The following LRRIQ1 variants were observed in gnomAD, a reference collection of about 807,000 sequenced individuals.
LRRIQ1 encodes the protein leucine rich repeats and IQ motif containing 1.
Under a neutral mutation model 211.9 loss-of-function variants are expected in LRRIQ1, and 210 were observed. That is an observed-to-expected ratio of 0.99 (90% CI 0.89 to 1.11). LRRIQ1 has a LOEUF of 1.11. Among genes scored for constraint, LRRIQ1 ranks in the 50% most tolerant of loss-of-function variants. The probability of loss-of-function intolerance (pLI) is 0.00; values close to 1 mark genes in which losing one functional copy is unlikely to be tolerated. For missense variants in LRRIQ1, 2,136 were observed against 1,939.5 expected, an observed-to-expected ratio of 1.10 and a Z score of -1.90; for synonymous variants, 699 against 650.1, an observed-to-expected ratio of 1.08 and a Z score of -1.14.
In LRRIQ1 at chr12:85,189,008, T is replaced by C. The variant is rs78973298; in HGVS notation, c.4822+28294T>C. Among the ~76,000 whole-genome samples the C allele has an allele frequency of 0.018, 2,730 of 152,172 alleles. 142 individuals are homozygous for C. In the East Asian group the frequency reaches 0.2, roughly 11 times the overall value. On this transcript the variant is annotated intron_variant, in intron 24 of 26. Transcript: ENST00000393217. ...CATTTTGAACTGACGCCTTTGGTAA[T>C]AGAGACTGCACAAGGTGGAGAATCT...
chr12:85,121,953 T>A, intron 16 of LRRIQ1, 77 bp downstream of exon 16: 1 of 1,220,800 alleles, frequency 8.2e-7, no homozygotes, highest in Non-Finnish European at 1.1e-6. Flanking sequence ...AGTATTCTGA[T>A]TAACACAATT....
chr12:85,102,610 C>T (rs999357197), intron 13 of LRRIQ1, among the ~76,000 whole-genome samples: 2 of 151,510 alleles, frequency 1.3e-5, no homozygotes, highest in African/African-American at 4.8e-5. Context: ...GAGTGAAGGT[C>T]AATACAAGGG....
intron 13 of LRRIQ1, among the ~76,000 whole-genome samples, chr12:85,102,957 AAAATATAT>A (rs1315026575): frequency 1.8e-4 from 21 of 117,378 alleles, no homozygotes; most frequent in African/African-American, 6.2e-4. Context: ...AAAAAAAAAA[AAAATATAT>A]ATATATATAT....
chr12:85,119,310 T>G (rs2136408268), intron 15 of LRRIQ1, among the ~76,000 whole-genome samples: 1 of 152,272 alleles, frequency 6.6e-6, no homozygotes, highest in Admixed American at 6.5e-5. Context: ...TGCACTTAAC[T>G]TTTCTCCACC....
At chr12:85,165,242 A>G (rs904893202) in intron 24 of LRRIQ1, among the ~76,000 whole-genome samples, 1 of 152,090 alleles carries the variant, frequency 6.6e-6, no homozygotes, top group Non-Finnish European at 1.5e-5. Flanking sequence ...TCACCCAGAT[A>G]AAGAGCATAG....
At chr12:85,180,323 A>G (rs557350330) in intron 24 of LRRIQ1, among the ~76,000 whole-genome samples, 18 of 152,110 alleles carry the variant, frequency 1.2e-4, no homozygotes, top group African/African-American at 3.6e-4. Flanking sequence ...AAGGGGTACT[A>G]TACTAACATC....
chr12:85,252,549 A>G (rs1895975942), intron 1 of LRRIQ1, among the ~76,000 whole-genome samples: 1 of 151,944 alleles, frequency 6.6e-6, no homozygotes, highest in Non-Finnish European at 1.5e-5. Flanking sequence ...CTAGCCAGCC[A>G]TCTTCTTTAA....
intron 11 of LRRIQ1, among the ~76,000 whole-genome samples, chr12:85,088,378 A>G (rs971529781): frequency 1.9e-4 from 29 of 152,110 alleles, no homozygotes; most frequent in African/African-American, 6.3e-4. Flanking sequence ...GTCAGGTAGC[A>G]TGATGCCTCC....
At chr12:85,191,173 C>T (rs1008108235) in intron 24 of LRRIQ1, among the ~76,000 whole-genome samples, 3 of 151,914 alleles carry the variant, frequency 2.0e-5, no homozygotes, top group Admixed American at 6.6e-5. Flanking sequence ...ACATCATTAT[C>T]ACCCAAAGTC....
chr12:85,222,127 A>G (rs1490691195), intron 24 of LRRIQ1, among the ~76,000 whole-genome samples: 3 of 152,188 alleles, frequency 2.0e-5, no homozygotes, highest in African/African-American at 4.8e-5. Flanking sequence ...ATTATAGAAA[A>G]TTTAGGAAAA....
intron 24 of LRRIQ1, chr12:85,162,924 T>C (rs1890968177): frequency 5.4e-6 from 2 of 373,636 alleles, no homozygotes; most frequent in Non-Finnish European, 1.0e-5. Flanking sequence ...CAGTTTTATA[T>C]GGAAGTTTTT....
chr12:85,108,917 T>C (rs1481606313), intron 15 of LRRIQ1, among the ~76,000 whole-genome samples: 1 of 151,938 alleles, frequency 6.6e-6, no homozygotes, highest in Non-Finnish European at 1.5e-5. Flanking sequence ...TTAAATCAAA[T>C]CAGGAAAACT....
At chr12:85,135,548 T>C (rs1465944658) in intron 18 of LRRIQ1, among the ~76,000 whole-genome samples, 1 of 151,884 alleles carries the variant, frequency 6.6e-6, no homozygotes, top group Non-Finnish European at 1.5e-5. Context: ...TATCCTAAGG[T>C]ACAGTTCAAA....
chr12:85,236,830 C>CATGTATAT (rs1555228694), intron 26 of LRRIQ1, among the ~76,000 whole-genome samples: 1 of 108,810 alleles, frequency 9.2e-6, no homozygotes, highest in Non-Finnish European at 1.8e-5. Context: ...TGTATGTGTG[C>CATGTATAT]ATATATATAT....
At chr12:85,198,682 C>A (rs1439861374) in intron 24 of LRRIQ1, among the ~76,000 whole-genome samples, 1 of 151,970 alleles carries the variant, frequency 6.6e-6, no homozygotes, top group Non-Finnish European at 1.5e-5. Context: ...ATTCTCCTGC[C>A]TCAGCTTCCC....
In LRRIQ1 at chr12:85,102,951, A is replaced by ATATATATATATAT. The variant is rs1565834052; in HGVS notation, c.3210-1053_3210-1052insTATATATATATAT. ...AGGCTTTTCTAATTGTGGCAAAAAA[A>ATATATATATATAT]AAAAAAAAATATATATATATATATA... is the stretch of plus-strand genomic sequence containing the variant. On this transcript the variant is annotated intron_variant, in intron 13 of 26. Transcript: ENST00000393217. 2.9e-3 allele frequency among the ~76,000 whole-genome samples: 344 copies of ATATATATATATAT among 116,684 alleles called. 8 individuals carry two copies. Among genetic ancestry groups the ATATATATATATAT allele is most frequent in the East Asian group, 0.018 (61 of 3,330 alleles). 76.5% of individuals were successfully genotyped at this position (116,684 alleles called of 152,430 possible).
chr12:85,153,199 A>G lies in LRRIQ1; in HGVS notation c.4541+54A>G, dbSNP rs896925811. ...AACTTGTGAATGACAACAGTATTACATATCATACAAAAGTAGTACAATTAT... is the reference window on the plus strand; with the variant it reads ...AACTTGTGAATGACAACAGTATTACGTATCATACAAAAGTAGTACAATTAT... On this transcript the variant is annotated intron_variant, in intron 21 of 26. Coordinates refer to ENST00000393217, the MANE Select transcript of LRRIQ1 (RefSeq NM_001079910.2). 1.1e-5 allele frequency: 16 copies of G among 1,445,022 alleles called. No homozygotes were observed. The African/African-American group carries it at 1.2e-4, about 11-fold the overall frequency. 89.5% of individuals were successfully genotyped at this position (1,445,022 alleles called of 1,614,324 possible).
At chr12:85,084,906 A>G (rs1884657663) in intron 11 of LRRIQ1, among the ~76,000 whole-genome samples, 1 of 151,936 alleles carries the variant, frequency 6.6e-6, no homozygotes. Context: ...AGCCTGGGCA[A>G]CAGAGTAAGA....
chr12:85,097,824 T>G (rs1475685895), intron 11 of LRRIQ1, among the ~76,000 whole-genome samples: 4 of 152,126 alleles, frequency 2.6e-5, no homozygotes, highest in Non-Finnish European at 5.9e-5. Context: ...CATCTAATAT[T>G]TTGTAGATAG....
Sources: allele counts gnomAD v4.1 joint callset (sites outside exome capture counted in the v4.1 genomes callset), GRCh38; gene constraint gnomAD v4.1.1; transcripts MANE v1.5; gene names NCBI Gene and HGNC (gene_info 2026-07-23, HGNC 2026-07-21).